Variants in NRXN1 observed in about 807,000 individuals in gnomAD.
NRXN1 encodes neurexin-1.
A neutral mutation model predicts 150.9 loss-of-function variants in NRXN1; 39 were observed. The observed-to-expected ratio is 0.26, with a 90% CI of 0.20 to 0.34. The LOEUF (loss-of-function observed/expected upper bound fraction) is 0.34. NRXN1 is among the 10% of genes least tolerant of loss of function. The probability of loss-of-function intolerance (pLI) is 1.00; values close to 1 mark genes in which losing one functional copy is unlikely to be tolerated. For missense variants in NRXN1, 1,815 were observed against 1,949.9 expected, an observed-to-expected ratio of 0.93 and a Z score of 1.30; for synonymous variants, 924 against 757.0, an observed-to-expected ratio of 1.22 and a Z score of -3.62.
At chr2:50,136,040 A>G (rs548981503) in intron 18 of NRXN1, among the ~76,000 whole-genome samples, 11 of 152,178 alleles carry the variant, frequency 7.2e-5, no homozygotes, top group Non-Finnish European at 1.6e-4. Context: ...AGTCTTCAAT[A>G]CAATAGATCT....
At chr2:50,445,177 C>T (rs2086290513) in intron 17 of NRXN1, among the ~76,000 whole-genome samples, 2 of 152,086 alleles carry the variant, frequency 1.3e-5, no homozygotes, top group Non-Finnish European at 2.9e-5. Flanking sequence ...TGCTGGATGG[C>T]CCGCAATACC....
At chr2:50,959,276 G>A (rs1355593852) in intron 2 of NRXN1, among the ~76,000 whole-genome samples, 18 of 152,120 alleles carry the variant, frequency 1.2e-4, no homozygotes, top group Admixed American at 1.2e-3. Context: ...CAAGAGAACG[G>A]AAAATATATG....
chr2:51,014,342 TTC>T (rs1575224424), intron 2 of NRXN1, among the ~76,000 whole-genome samples: 1 of 152,078 alleles, frequency 6.6e-6, no homozygotes, highest in Admixed American at 6.6e-5. Flanking sequence ...ACAGCACTCT[TTC>T]TCTTAGGCAG....
chr2:50,914,381 A>C (rs945891450), intron 5 of NRXN1, among the ~76,000 whole-genome samples: 1 of 151,730 alleles, frequency 6.6e-6, no homozygotes, highest in East Asian at 1.9e-4. Flanking sequence ...TTGCCAAAAG[A>C]TCCTTCCTGA....
rs140991144 is a variant in NRXN1, at chr2:50,711,757, T to G, written c.833-88142A>C. Among the ~76,000 whole-genome samples, 9 of 152,202 alleles carry G rather than the reference T, an allele frequency of 5.9e-5. No homozygotes were observed. In the East Asian group the frequency reaches 1.7e-3, roughly 29 times the overall value. On this transcript the variant is annotated intron_variant, in intron 5 of 22. Transcript: ENST00000401669. Reference sequence around the variant, plus strand: ...GGAGGTGGGGCATACTGGGAGGTATTTAGGTTATGAAGGTGGAACTCTCAT... The same window carrying G: ...GGAGGTGGGGCATACTGGGAGGTATGTAGGTTATGAAGGTGGAACTCTCAT...
intron 5 of NRXN1, among the ~76,000 whole-genome samples, chr2:50,626,328 T>C (rs1399878094): frequency 1.3e-5 from 2 of 151,810 alleles, no homozygotes; most frequent in African/African-American, 2.4e-5. Context: ...GAGTCCCAAA[T>C]AGCCATGATA....
chr2:50,400,033 C>T (rs2082297457), intron 17 of NRXN1, among the ~76,000 whole-genome samples: 1 of 151,798 alleles, frequency 6.6e-6, no homozygotes, highest in Non-Finnish European at 1.5e-5. Flanking sequence ...GTACAATTAA[C>T]ACTTGCCAAA....
intron 5 of NRXN1, among the ~76,000 whole-genome samples, chr2:50,733,720 C>T (rs964641926): frequency 2.6e-5 from 4 of 152,054 alleles, no homozygotes; most frequent in Non-Finnish European, 5.9e-5. Context: ...TTTGATAATA[C>T]AGTCTTAATA....
chr2:49,991,630 C>G (rs759966073), intron 21 of NRXN1, among the ~76,000 whole-genome samples: 16 of 152,074 alleles, frequency 1.1e-4, no homozygotes, highest in Non-Finnish European at 1.9e-4. Context: ...AATGGATATT[C>G]CATGTTCATT....
chr2:50,261,059 C>T (rs889170557), intron 17 of NRXN1, among the ~76,000 whole-genome samples: 1 of 151,676 alleles, frequency 6.6e-6, no homozygotes, highest in Non-Finnish European at 1.5e-5. Flanking sequence ...TCCAACATTT[C>T]CCCCCAGATT....
rs114577859 is a variant in NRXN1, at chr2:50,620,846, G to A, written c.1158+380C>T. 157 of 233,458 alleles carry A rather than the reference G, an allele frequency of 6.7e-4. 1 individual carries two copies. The highest frequency in any genetic ancestry group is 3.3e-3 in the African/African-American group (147 of 44,606). The allele number at this position is 233,458 out of a possible 1,614,324, so 14.5% of individuals were successfully genotyped here. On this transcript the variant is annotated intron_variant, in intron 7 of 22. Transcript: ENST00000401669. ...GCTTTGTGATGACGTAAAGATGAGT[G>A]GGTGTGGCATCTCCAGCATTCCCAA...
At chr2:50,390,908 CACAA>C (rs1445110761) in intron 17 of NRXN1, among the ~76,000 whole-genome samples, 3 of 152,072 alleles carry the variant, frequency 2.0e-5, no homozygotes, top group Non-Finnish European at 1.5e-5. Context: ...CTTATAGCAA[CACAA>C]ACAGATTAAG....
At chr2:50,626,376 AG>A (rs1681055472) in intron 5 of NRXN1, among the ~76,000 whole-genome samples, 1 of 151,992 alleles carries the variant, frequency 6.6e-6, no homozygotes, top group Admixed American at 6.6e-5. Flanking sequence ...GCCTGCGTAA[AG>A]ATGGACATTT....
chr2:50,122,259 A>G (rs892131904), intron 18 of NRXN1, among the ~76,000 whole-genome samples: 15 of 152,240 alleles, frequency 9.9e-5, no homozygotes, highest in African/African-American at 3.4e-4. Flanking sequence ...CTGTTACCAG[A>G]GGTGATAAGG....
intron 21 of NRXN1, among the ~76,000 whole-genome samples, chr2:50,028,663 A>G (rs775037410): frequency 4.6e-5 from 7 of 152,248 alleles, no homozygotes; most frequent in Non-Finnish European, 1.0e-4. Flanking sequence ...GCAGGTAGTC[A>G]GTATGCAACA....
At chr2:50,269,583 T>A (rs1028931741) in intron 17 of NRXN1, among the ~76,000 whole-genome samples, 2 of 152,186 alleles carry the variant, frequency 1.3e-5, no homozygotes, top group East Asian at 3.8e-4. Context: ...CATGAATATA[T>A]AAACAAACAT....
chr2:50,115,582 G>A (rs9917277), intron 18 of NRXN1, among the ~76,000 whole-genome samples: 2 of 151,576 alleles, frequency 1.3e-5, no homozygotes, highest in South Asian at 2.1e-4. Context: ...AGTGAGATAC[G>A]AACCCAGTCC....
At chr2:50,174,446 C>T (rs992402394) in intron 18 of NRXN1, among the ~76,000 whole-genome samples, 1 of 152,066 alleles carries the variant, frequency 6.6e-6, no homozygotes, top group Non-Finnish European at 1.5e-5. Flanking sequence ...GTTACTAATA[C>T]ACAGATGACT....
At chr2:50,209,863 T>C (rs1309268054) in intron 18 of NRXN1, among the ~76,000 whole-genome samples, 1 of 105,792 alleles carries the variant, frequency 9.5e-6, no homozygotes, top group Non-Finnish European at 1.9e-5. Context: ...GCCTCTGCAA[T>C]AATTCACTTT....
Sources: allele counts gnomAD v4.1 joint callset (sites outside exome capture counted in the v4.1 genomes callset), GRCh38; gene constraint gnomAD v4.1.1; transcripts MANE v1.5; gene names NCBI Gene and HGNC (gene_info 2026-07-23, HGNC 2026-07-21).